GALNT14: variants seen among roughly 807,000 people sequenced by gnomAD.
The protein encoded by GALNT14 is polypeptide N-acetylgalactosaminyltransferase 14.
GALNT14 carries 60 observed loss-of-function variants against 77.5 expected under a neutral mutation model. The observed-to-expected ratio is 0.77, with a 90% CI of 0.63 to 0.96. The LOEUF is 0.96. Ranked by LOEUF, GALNT14 falls within the 40% of genes least tolerant of loss-of-function variation. The probability of loss-of-function intolerance (pLI) is 0.00; values close to 1 mark genes in which losing one functional copy is unlikely to be tolerated. For missense variants in GALNT14, 710 were observed against 731.0 expected, an observed-to-expected ratio of 0.97 and a Z score of 0.33; for synonymous variants, 280 against 281.7, an observed-to-expected ratio of 0.99 and a Z score of 0.06.
the GALNT14 span, among the ~76,000 whole-genome samples, chr2:30,905,237 A>C: frequency 6.6e-6 from 1 of 152,220 alleles, no homozygotes; most frequent in Non-Finnish European, 1.5e-5. Flanking sequence ...CTGAGAGAAG[A>C]AGCCTTCAGA....
intron 1 of GALNT14, among the ~76,000 whole-genome samples, chr2:31,135,059 A>G (rs1276261947): frequency 6.6e-6 from 1 of 152,214 alleles, no homozygotes; most frequent in Non-Finnish European, 1.5e-5. Flanking sequence ...ATAGGCTTAC[A>G]TGGGTTAGGT....
intron 6 of GALNT14, among the ~76,000 whole-genome samples, chr2:30,949,313 G>C (rs758765022): frequency 7.2e-5 from 11 of 152,180 alleles, no homozygotes; most frequent in Non-Finnish European, 1.6e-4. Flanking sequence ...AGTGCTGCTA[G>C]CAAGCAGGTG....
At chr2:31,053,295 A>AGTCACT (rs1429421835) in intron 1 of GALNT14, among the ~76,000 whole-genome samples, 1 of 152,170 alleles carries the variant, frequency 6.6e-6, no homozygotes, top group Non-Finnish European at 1.5e-5. Flanking sequence ...GGGGGCAGTC[A>AGTCACT]GTCACTTCAT....
At chr2:31,086,746 G>T (rs547364236) in intron 1 of GALNT14, among the ~76,000 whole-genome samples, 2 of 152,120 alleles carry the variant, frequency 1.3e-5, no homozygotes, top group African/African-American at 4.8e-5. Context: ...CCGTACCTAA[G>T]GAATGGTTGG....
chr2:30,959,094 G>A (rs1667537411), intron 3 of GALNT14, among the ~76,000 whole-genome samples: 1 of 152,074 alleles, frequency 6.6e-6, no homozygotes, highest in Non-Finnish European at 1.5e-5. Flanking sequence ...TCATAACTAA[G>A]AGCCTCTCTC....
At chr2:30,911,549 A>G (rs1280399215) in intron 14 of GALNT14, among the ~76,000 whole-genome samples, 1 of 152,108 alleles carries the variant, frequency 6.6e-6, no homozygotes, top group Non-Finnish European at 1.5e-5. Flanking sequence ...CAAAGGAGGG[A>G]CTGGACACAT....
intron 1 of GALNT14, among the ~76,000 whole-genome samples, chr2:31,070,875 G>A (rs1427642038): frequency 2.0e-5 from 3 of 152,206 alleles, no homozygotes; most frequent in Non-Finnish European, 4.4e-5. Context: ...GGAGCAATAA[G>A]CACTGTCTGG....
intron 1 of GALNT14, among the ~76,000 whole-genome samples, chr2:31,036,101 T>A (rs1050216323): frequency 4.0e-4 from 61 of 152,350 alleles, no homozygotes; most frequent in African/African-American, 1.4e-3. Flanking sequence ...GCTCTGTTTT[T>A]TGATTGAAGT....
Position 30,935,628 on chromosome 2 carries a change from C to T in GALNT14, c.932-3434G>A, listed in dbSNP as rs571593317. Among the ~76,000 whole-genome samples, 7 of 152,274 alleles carry T rather than the reference C, an allele frequency of 4.6e-5. No individual in the cohort carries two copies. In the South Asian group the frequency reaches 1.5e-3, roughly 32 times the overall value. ...GGGATGCGGCTTGGAGTTTTCAGAT[C>T]AGTGTGATGATTTATAGGGATGACA... On this transcript the variant is annotated intron_variant, in intron 9 of 14. Coordinates refer to ENST00000349752, the MANE Select transcript of GALNT14 (RefSeq NM_024572.4).
chr2:30,974,477 G>A (rs1157916451), intron 2 of GALNT14, among the ~76,000 whole-genome samples: 1 of 152,208 alleles, frequency 6.6e-6, no homozygotes, highest in African/African-American at 2.4e-5. Context: ...TTAGTGGCCT[G>A]GCACCACTTC....
At chr2:31,134,704 G>A (rs1257550617) in intron 1 of GALNT14, among the ~76,000 whole-genome samples, 1 of 152,186 alleles carries the variant, frequency 6.6e-6, no homozygotes, top group Non-Finnish European at 1.5e-5. Context: ...CCCCCTGGGA[G>A]CTCTCCAAGG....
chr2:30,967,570 T>C (rs1391578488), intron 2 of GALNT14, among the ~76,000 whole-genome samples: 1 of 152,162 alleles, frequency 6.6e-6, no homozygotes. Context: ...GCAGAGATGG[T>C]GGAAAAGGTA....
chr2:31,091,561 C>G (rs1338773415), intron 1 of GALNT14, among the ~76,000 whole-genome samples: 2 of 152,198 alleles, frequency 1.3e-5, no homozygotes, highest in African/African-American at 4.8e-5. Context: ...TATTTTAGTC[C>G]ATCCAGGCTG....
chr2:31,125,206 A>T (rs964938493), intron 1 of GALNT14: 1 of 1,550,498 alleles, frequency 6.4e-7, no homozygotes, highest in Admixed American at 2.0e-5. Context: ...CAGGCACCTG[A>T]GGCGCCCAAG....
At chr2:31,100,676 C>A (rs748570607) in intron 1 of GALNT14, among the ~76,000 whole-genome samples, 9 of 147,610 alleles carry the variant, frequency 6.1e-5, no homozygotes, top group Non-Finnish European at 1.2e-4. Flanking sequence ...TGGCTTATAG[C>A]CTGAGATGGA....
At chr2:31,130,261 C>T (rs774894879) in intron 1 of GALNT14, among the ~76,000 whole-genome samples, 2 of 152,188 alleles carry the variant, frequency 1.3e-5, no homozygotes, top group Non-Finnish European at 2.9e-5. Flanking sequence ...GATAGAAAGG[C>T]CAGAGTGGCA....
chr2:31,131,718 GTGCAGGAA>G (rs1679003243), intron 1 of GALNT14, among the ~76,000 whole-genome samples: 1 of 152,166 alleles, frequency 6.6e-6, no homozygotes, highest in Non-Finnish European at 1.5e-5. Context: ...AAACCAAGCT[GTGCAGGAA>G]TCCTGGGCTT....
chr2:31,080,792 T>C (rs573222135), intron 1 of GALNT14, among the ~76,000 whole-genome samples: 3 of 152,336 alleles, frequency 2.0e-5, no homozygotes, highest in Non-Finnish European at 4.4e-5. Context: ...CAATTAGAAC[T>C]ATGTGAATAG....
intron 9 of GALNT14, 109 bp from the exon 10 acceptor site, chr2:30,932,303 T>C: frequency 3.7e-6 from 4 of 1,081,092 alleles, no homozygotes; most frequent in Non-Finnish European, 5.0e-6. Flanking sequence ...AAGAACAGAC[T>C]CTGCAGCCAG....
Sources: gnomAD v4.1 joint callset for allele counts (sites outside exome capture counted in the v4.1 genomes callset) on GRCh38, gnomAD v4.1.1 for gene constraint, MANE v1.5 for transcripts, NCBI Gene and HGNC (gene_info 2026-07-23, HGNC 2026-07-21) for gene names.